SCRN1: variants seen among roughly 807,000 people sequenced by gnomAD.
The protein encoded by SCRN1 is secernin-1.
Under a neutral mutation model 43.3 loss-of-function variants are expected in SCRN1, and 19 were observed. The ratio of observed to expected loss-of-function variants is 0.44; its 90% confidence interval spans 0.31 to 0.64. The LOEUF (loss-of-function observed/expected upper bound fraction) is 0.64. Ranked by LOEUF, SCRN1 falls within the 30% of genes least tolerant of loss-of-function variation. SCRN1 has a pLI of 0.09. For synonymous variants in SCRN1, 183 were observed against 188.9 expected, an observed-to-expected ratio of 0.97 and a Z score of 0.26; for missense variants, 447 against 524.1, an observed-to-expected ratio of 0.85 and a Z score of 1.44.
chr7:29,954,370 C>A (rs912006221), intron 3 of SCRN1, among the ~76,000 whole-genome samples: 7 of 151,914 alleles, frequency 4.6e-5, no homozygotes, highest in Non-Finnish European at 8.8e-5. Context: ...ATAAAATCCA[C>A]CCATTTAAAC....
intron 2 of SCRN1, among the ~76,000 whole-genome samples, 155 bp downstream of exon 2, chr7:29,968,754 G>A (rs1788574833): frequency 6.6e-6 from 1 of 152,162 alleles, no homozygotes; most frequent in African/African-American, 2.4e-5. Context: ...TTGTTTTCAA[G>A]GCTATGAGCA....
At chr7:29,971,650 A>C (rs960302527) in intron 1 of SCRN1, among the ~76,000 whole-genome samples, 18 of 152,176 alleles carry the variant, frequency 1.2e-4, no homozygotes, top group Admixed American at 8.5e-4. Flanking sequence ...AAAAAAAAAA[A>C]ACTTTATTTG....
rs192469477 is a variant in SCRN1, at chr7:29,937,244, A to G, written c.740-523T>C. On this transcript the variant is annotated intron_variant, in intron 5 of 7. Transcript: ENST00000242059. ...GTGGCCATGTGATAAATGTTGATCA[A>G]CAGGAGGTAAGCAGAAACAATGTGT... Among the ~76,000 whole-genome samples, 63 of 152,326 alleles carry G rather than the reference A, an allele frequency of 4.1e-4. 1 individual carries two copies. The highest frequency in any genetic ancestry group is 1.3e-3 in the African/African-American group (56 of 41,568).
At chr7:29,931,952 C>T (rs777581366) in intron 6 of SCRN1, among the ~76,000 whole-genome samples, 13 of 152,118 alleles carry the variant, frequency 8.5e-5, no homozygotes, top group Non-Finnish European at 1.6e-4. Context: ...CTCCCATAAA[C>T]ATATACACCT....
intron 6 of SCRN1, among the ~76,000 whole-genome samples, chr7:29,933,064 G>C (rs959740397): frequency 6.6e-6 from 1 of 151,938 alleles, no homozygotes; most frequent in African/African-American, 2.4e-5. Context: ...TTTTTTAGTA[G>C]AGACAGGGTT....
intron 6 of SCRN1, 37 bp downstream of exon 6, chr7:29,936,519 C>T: frequency 6.6e-7 from 1 of 1,505,356 alleles, no homozygotes; most frequent in Non-Finnish European, 9.0e-7. Context: ...AAGGGAAGCA[C>T]TTATGTTCTG....
chr7:29,982,263 A>G (rs1030730179), intron 1 of SCRN1, among the ~76,000 whole-genome samples: 2 of 152,216 alleles, frequency 1.3e-5, no homozygotes, highest in African/African-American at 4.8e-5. Context: ...AGCATTCACC[A>G]TGTGCTTAAT....
At chr7:29,982,582 C>T (rs1194448740) in intron 1 of SCRN1, among the ~76,000 whole-genome samples, 2 of 149,776 alleles carry the variant, frequency 1.3e-5, no homozygotes, top group Non-Finnish European at 3.0e-5. Flanking sequence ...ACTCAGAAGG[C>T]TGAGGTGAGA....
chr7:29,944,885 CCTG>C (rs1787682291), intron 3 of SCRN1, among the ~76,000 whole-genome samples: 1 of 152,024 alleles, frequency 6.6e-6, no homozygotes, highest in Non-Finnish European at 1.5e-5. Flanking sequence ...TGTACTCCCT[CCTG>C]ACTCTAACCT....
chr7:29,951,029 T>C lies in SCRN1; in HGVS notation c.341+4150A>G, dbSNP rs532017758. On this transcript the variant is annotated intron_variant, in intron 3 of 7. Transcript: ENST00000242059. Reference sequence around the variant, plus strand: ...CCCCCAGCCCCCACCATTTGCAAAATTGCAGGTGATGAAAAGGAGAGAAGA... The same window carrying C: ...CCCCCAGCCCCCACCATTTGCAAAACTGCAGGTGATGAAAAGGAGAGAAGA... 4.0e-4 allele frequency among the ~76,000 whole-genome samples: 61 copies of C among 152,324 alleles called. 1 individual carries two copies. Among genetic ancestry groups the C allele is most frequent in the African/African-American group, 1.5e-3 (61 of 41,582 alleles).
chr7:29,952,488 G>A (rs568071369), intron 3 of SCRN1, among the ~76,000 whole-genome samples: 5 of 152,232 alleles, frequency 3.3e-5, no homozygotes, highest in African/African-American at 9.6e-5. Flanking sequence ...TCAGAAGTTC[G>A]AGACCAGCCT....
intron 7 of SCRN1, 43 bp from the exon 8 acceptor site, chr7:29,924,158 G>A (rs1049570125): frequency 1.3e-5 from 21 of 1,580,624 alleles, no homozygotes; most frequent in Admixed American, 1.8e-5. Flanking sequence ...CAAAATAGCA[G>A]GGGACATTGC....
At chr7:29,927,082 G>A (rs1006482901) in intron 6 of SCRN1, among the ~76,000 whole-genome samples, 1 of 151,696 alleles carries the variant, frequency 6.6e-6, no homozygotes, top group Non-Finnish European at 1.5e-5. Flanking sequence ...TTTTTTCTGA[G>A]GTTCTACCTT....
At chr7:29,933,370 G>A (rs942275765) in intron 6 of SCRN1, among the ~76,000 whole-genome samples, 2 of 152,202 alleles carry the variant, frequency 1.3e-5, no homozygotes, top group African/African-American at 4.8e-5. Context: ...GTTGGGAAGA[G>A]AGGCTCTCTT....
At chr7:29,974,174 G>T (rs141511847) in intron 1 of SCRN1, among the ~76,000 whole-genome samples, 2 of 152,194 alleles carry the variant, frequency 1.3e-5, no homozygotes, top group Admixed American at 1.3e-4. Context: ...TCCCAGAAAT[G>T]ATTTTTAAAG....
rs1056631061 is a variant in SCRN1, at chr7:29,989,624, C to T, written c.-2+18G>A. 1.0e-6 allele frequency: 1 copy of T among 985,676 alleles called. No individual in the cohort carries two copies. The highest frequency in any genetic ancestry group is 1.2e-6 in the Non-Finnish European group (1 of 830,140). 61.1% of individuals were successfully genotyped at this position (985,676 alleles called of 1,614,324 possible). A position where few individuals can be genotyped will look rare whatever the true frequency, so the allele number is the denominator to read the frequency against. On this transcript the variant is annotated intron_variant, in intron 1 of 7. Coordinates refer to ENST00000242059, the MANE Select transcript of SCRN1 (RefSeq NM_014766.5). Reference sequence around the variant, plus strand: ...AAAGCAGCGCTGCAAACGCCCTGCGCTCCCAGACGCGGCTCACCTGGGGCG... The same window carrying T: ...AAAGCAGCGCTGCAAACGCCCTGCGTTCCCAGACGCGGCTCACCTGGGGCG...
intron 6 of SCRN1, among the ~76,000 whole-genome samples, chr7:29,935,823 G>T (rs1043791262): frequency 6.6e-6 from 1 of 152,180 alleles, no homozygotes; most frequent in African/African-American, 2.4e-5. Context: ...TATTGACTTG[G>T]ATTATCTCAT....
At chr7:29,981,317 T>C (rs944684983) in intron 1 of SCRN1, among the ~76,000 whole-genome samples, 1 of 152,188 alleles carries the variant, frequency 6.6e-6, no homozygotes, top group Non-Finnish European at 1.5e-5. Flanking sequence ...TTTGAGCCCC[T>C]AACCACCTAC....
intron 2 of SCRN1, among the ~76,000 whole-genome samples, chr7:29,962,129 G>C (rs1788342670): frequency 6.7e-6 from 1 of 148,380 alleles, no homozygotes; most frequent in African/African-American, 2.5e-5. Context: ...TAACCACCTA[G>C]TATATAATTA....
Sources: allele counts gnomAD v4.1 joint callset (sites outside exome capture counted in the v4.1 genomes callset), GRCh38; gene constraint gnomAD v4.1.1; transcripts MANE v1.5; gene names NCBI Gene and HGNC (gene_info 2026-07-23, HGNC 2026-07-21).